The following GAB2 variants were observed in gnomAD, a reference collection of about 807,000 sequenced individuals.
The protein encoded by GAB2 is GRB2-associated-binding protein 2.
In GAB2, 26 loss-of-function variants were observed where a neutral mutation model predicts 65.5. The observed-to-expected ratio is 0.40, with a 90% CI of 0.29 to 0.55. GAB2 has a LOEUF of 0.55. Among genes scored for constraint, GAB2 ranks in the 20% least tolerant of loss-of-function variants. The pLI, the probability that GAB2 is intolerant of heterozygous loss-of-function variation, is 0.53. For synonymous variants in GAB2, 321 were observed against 329.6 expected (o/e 0.97, Z 0.28); for missense variants, 884 against 875.8 (o/e 1.01, Z -0.12).
chr11:78,236,651 T>C (rs1864989937), intron 3 of GAB2, among the ~76,000 whole-genome samples: 1 of 152,198 alleles, frequency 6.6e-6, no homozygotes, highest in Admixed American at 6.5e-5. Context: ...AATTCATAGT[T>C]TGCTAAGAAA....
rs528926993 is a variant in GAB2, at chr11:78,310,139, C to T, written c.76-29238G>A. On this transcript the variant is annotated intron_variant, in intron 1 of 9. Transcript: ENST00000361507. ...TTGTCCCACCTACAATTTCAATACA[C>T]GCCTCTGAGAAATGTGGGGGTGGAG... is the stretch of plus-strand genomic sequence containing the variant. Among the ~76,000 whole-genome samples the T allele has an allele frequency of 7.9e-5, 12 of 152,014 alleles. No individual in the cohort carries two copies. In the South Asian group the frequency reaches 1.2e-3, roughly 16 times the overall value.
chr11:78,306,711 G>C (rs966214982), intron 1 of GAB2, among the ~76,000 whole-genome samples: 1 of 152,202 alleles, frequency 6.6e-6, no homozygotes, highest in Non-Finnish European at 1.5e-5. Context: ...TGAAGGCAGA[G>C]AGTGAAAGGA....
At chr11:78,355,869 T>C (rs1252456844) in intron 1 of GAB2, among the ~76,000 whole-genome samples, 1 of 151,830 alleles carries the variant, frequency 6.6e-6, no homozygotes. Flanking sequence ...AGCCAACTCA[T>C]CTTTAAGACA....
intron 1 of GAB2, among the ~76,000 whole-genome samples, chr11:78,298,707 T>C (rs551746841): frequency 3.3e-5 from 5 of 152,284 alleles, no homozygotes; most frequent in African/African-American, 9.6e-5. Context: ...TGTCCTTGAA[T>C]GGTCTGATCT....
At chr11:78,376,114 T>C (rs1856628553) in intron 1 of GAB2, among the ~76,000 whole-genome samples, 1 of 152,206 alleles carries the variant, frequency 6.6e-6, no homozygotes, top group African/African-American at 2.4e-5. Flanking sequence ...CAGGACCAGA[T>C]AGGCAGGGAG....
At chr11:78,303,119 C>T (rs1022338261) in intron 1 of GAB2, among the ~76,000 whole-genome samples, 16 of 152,124 alleles carry the variant, frequency 1.1e-4, no homozygotes, top group African/African-American at 3.6e-4. Context: ...GATGAGTGCA[C>T]CAAAATCTCA....
intron 1 of GAB2, among the ~76,000 whole-genome samples, chr11:78,365,826 T>A (rs1256622172): frequency 6.6e-6 from 1 of 152,212 alleles, no homozygotes; most frequent in Non-Finnish European, 1.5e-5. Context: ...CTTGTTTCAA[T>A]ACACAGGTCC....
At chr11:78,326,419 A>G (rs1308916885) in intron 1 of GAB2, among the ~76,000 whole-genome samples, 1 of 152,218 alleles carries the variant, frequency 6.6e-6, no homozygotes, top group African/African-American at 2.4e-5. Context: ...AAAGGAAATG[A>G]CATACAGTGG....
At chr11:78,408,637 C>T (rs1193278791) in intron 1 of GAB2, among the ~76,000 whole-genome samples, 1 of 152,148 alleles carries the variant, frequency 6.6e-6, no homozygotes, top group East Asian at 1.9e-4. Flanking sequence ...TGTGTCCCTG[C>T]CCAAATCTGA....
At chr11:78,265,901 A>G (rs1237298817) in intron 2 of GAB2, among the ~76,000 whole-genome samples, 1 of 152,144 alleles carries the variant, frequency 6.6e-6, no homozygotes, top group African/African-American at 2.4e-5. Context: ...ACTATTTACA[A>G]TTTATAACCA....
intron 1 of GAB2, among the ~76,000 whole-genome samples, chr11:78,360,119 C>T (rs1429928421): frequency 2.0e-5 from 3 of 152,040 alleles, no homozygotes; most frequent in Non-Finnish European, 2.9e-5. Context: ...CATCTGGAGC[C>T]ACCGGAAGCC....
intron 1 of GAB2, among the ~76,000 whole-genome samples, chr11:78,411,852 A>T (rs184232404): frequency 1.3e-3 from 200 of 152,300 alleles, no homozygotes; most frequent in Admixed American, 2.2e-3. Context: ...CAACATGGTG[A>T]AACCCTGTCT....
Position 78,300,699 on chromosome 11 carries a change from T to G in GAB2, c.76-19798A>C, listed in dbSNP as rs536012261. 5.7e-3 allele frequency among the ~76,000 whole-genome samples: 797 copies of G among 138,722 alleles called. 1 individual carries two copies. The highest frequency in any genetic ancestry group is 9.2e-3 in the Non-Finnish European group (610 of 66,016). The allele number at this position is 138,722 out of a possible 152,430, so 91.0% of individuals were successfully genotyped here. On this transcript the variant is annotated intron_variant, in intron 1 of 9. Coordinates refer to ENST00000361507, the MANE Select transcript of GAB2 (RefSeq NM_080491.3). ...TTTTTTTTTTGGTTTTTTTTTGTTT[T>G]TTTTTTTTTTTTTGAGACAGAGCCT...
chr11:78,390,087 A>G (rs1398776289), intron 1 of GAB2, among the ~76,000 whole-genome samples: 4 of 152,262 alleles, frequency 2.6e-5, no homozygotes, highest in African/African-American at 7.2e-5. Flanking sequence ...ACAAAAGAAA[A>G]TAGTACTCAC....
chr11:78,280,159 C>G (rs912824067), intron 2 of GAB2, among the ~76,000 whole-genome samples: 4 of 152,128 alleles, frequency 2.6e-5, no homozygotes, highest in African/African-American at 9.7e-5. Flanking sequence ...CACAAAGAAC[C>G]CGCACAAACA....
chr11:78,259,242 G>C (rs1165649299), intron 2 of GAB2, among the ~76,000 whole-genome samples: 1 of 152,168 alleles, frequency 6.6e-6, no homozygotes, highest in African/African-American at 2.4e-5. Context: ...TTCTTTTGAG[G>C]ATTTGATATG....
chr11:78,324,778 A>C (rs1007542718), intron 1 of GAB2: 4 of 152,242 alleles, frequency 2.6e-5, no homozygotes, highest in African/African-American at 4.8e-5. Flanking sequence ...TCCGAAGTCC[A>C]AAAGACCATA....
At chr11:78,368,857 G>T (rs917098958) in intron 1 of GAB2, among the ~76,000 whole-genome samples, 10 of 152,004 alleles carry the variant, frequency 6.6e-5, no homozygotes, top group Non-Finnish European at 1.2e-4. Context: ...TGGGAGAATT[G>T]CTTGAGGCTA....
At chr11:78,411,971 A>T (rs1396567734) in intron 1 of GAB2, among the ~76,000 whole-genome samples, 1 of 152,038 alleles carries the variant, frequency 6.6e-6, no homozygotes, top group Non-Finnish European at 1.5e-5. Flanking sequence ...CAGAGGTTGC[A>T]GTGAGCCAAG....
Sources: allele counts gnomAD v4.1 joint callset (sites outside exome capture counted in the v4.1 genomes callset), GRCh38; gene constraint gnomAD v4.1.1; transcripts MANE v1.5; gene names NCBI Gene and HGNC (gene_info 2026-07-23, HGNC 2026-07-21).